SNAP29: variants seen among roughly 807,000 people sequenced by gnomAD.
SNAP29 encodes synaptosome associated protein 29.
Under a neutral mutation model 27.9 loss-of-function variants are expected in SNAP29, and 13 were observed. That is an observed-to-expected ratio of 0.47 (90% CI 0.30 to 0.74). SNAP29 has a LOEUF of 0.74. Among genes scored for constraint, SNAP29 ranks in the 30% least tolerant of loss-of-function variants. The probability of loss-of-function intolerance (pLI) is 0.06; values close to 1 mark genes in which losing one functional copy is unlikely to be tolerated. For missense variants in SNAP29, 368 were observed against 336.5 expected (o/e 1.09, Z -0.73); for synonymous variants, 119 against 127.1 (o/e 0.94, Z 0.43).
In SNAP29 at chr22:20,888,165, G is replaced by C. The variant is rs1929065269; in HGVS notation, c.*329G>C. On this transcript the variant is annotated 3_prime_UTR_variant, in exon 5 of 5. Coordinates refer to ENST00000215730, the MANE Select transcript of SNAP29 (RefSeq NM_004782.4). ...TCTCATTTTAATGAGCATATGGAAAGATGGGAACAGAATTTCAGTCTTGCA... is the reference window on the plus strand; with the variant it reads ...TCTCATTTTAATGAGCATATGGAAACATGGGAACAGAATTTCAGTCTTGCA... The C allele has an allele frequency of 2.8e-6, 1 of 359,824 alleles. No individual in the cohort carries two copies. The highest frequency in any genetic ancestry group is 2.1e-5 in the African/African-American group (1 of 47,138). The allele number at this position is 359,824 out of a possible 1,614,324, so 22.3% of individuals were successfully genotyped here.
intron 2 of SNAP29, among the ~76,000 whole-genome samples, chr22:20,878,367 C>G (rs1294242966): frequency 6.6e-6 from 1 of 152,068 alleles, no homozygotes; most frequent in African/African-American, 2.4e-5. Context: ...CAGTGAAACC[C>G]TGTCTCTAAA....
chr22:20,883,803 C>T (rs944293197), intron 4 of SNAP29, among the ~76,000 whole-genome samples: 23 of 152,148 alleles, frequency 1.5e-4, no homozygotes, highest in African/African-American at 5.3e-4. Flanking sequence ...ATGAACAGCA[C>T]CAGGGACCCA....
intron 4 of SNAP29, among the ~76,000 whole-genome samples, chr22:20,884,495 C>T (rs1928968381): frequency 6.6e-6 from 1 of 152,124 alleles, no homozygotes; most frequent in African/African-American, 2.4e-5. Context: ...TTCTTTCTGC[C>T]TCGTGGCCCC....
chr22:20,887,396 TC>T (rs1929042410), intron 4 of SNAP29, among the ~76,000 whole-genome samples: 1 of 151,980 alleles, frequency 6.6e-6, no homozygotes, highest in South Asian at 2.1e-4. Context: ...TGGCTGCTGT[TC>T]CTAGTAAAAA....
chr22:20,870,665 T>A, intron 2 of SNAP29, 132 bp downstream of exon 2: 2 of 835,864 alleles, frequency 2.4e-6, no homozygotes, highest in Non-Finnish European at 4.0e-6. Flanking sequence ...CAGGGGATAT[T>A]TGTCCTCAAA....
chr22:20,883,694 A>G, intron 4 of SNAP29, 125 bp downstream of exon 4: 1 of 730,264 alleles, frequency 1.4e-6, no homozygotes, highest in South Asian at 1.4e-5. Flanking sequence ...TCCCACGCCA[A>G]GCTGGGTCCA....
intron 4 of SNAP29, 147 bp from the exon 5 acceptor site, chr22:20,887,532 A>G (rs1279508772): frequency 1.2e-6 from 1 of 840,446 alleles, no homozygotes; most frequent in Non-Finnish European, 2.0e-6. Flanking sequence ...GACAGAATCA[A>G]TTAAGTCAAG....
At chr22:20,866,198 G>C (rs1205219646) in intron 1 of SNAP29, among the ~76,000 whole-genome samples, 1 of 152,170 alleles carries the variant, frequency 6.6e-6, no homozygotes, top group Non-Finnish European at 1.5e-5. Context: ...ACGGCGAGGG[G>C]CACCAGCACT....
intron 4 of SNAP29, among the ~76,000 whole-genome samples, chr22:20,885,776 A>G (rs1929000234): frequency 6.6e-6 from 1 of 152,212 alleles, no homozygotes; most frequent in Non-Finnish European, 1.5e-5. Flanking sequence ...GCGAGTGGCT[A>G]GTTCAGAGCT....
At chr22:20,861,116 TGG>T (rs1491515877) in intron 1 of SNAP29, among the ~76,000 whole-genome samples, 2 of 118,758 alleles carry the variant, frequency 1.7e-5, no homozygotes, top group African/African-American at 7.4e-5. Flanking sequence ...CACCTCCCTG[TGG>T]TTTTTTTTTT....
chr22:20,867,825 G>T (rs1928496312), intron 1 of SNAP29, among the ~76,000 whole-genome samples: 1 of 152,206 alleles, frequency 6.6e-6, no homozygotes. Flanking sequence ...ACTGGGGAAG[G>T]TAGCTCTCCA....
At chr22:20,876,054 G>C (rs539942983) in intron 2 of SNAP29, among the ~76,000 whole-genome samples, 1 of 151,738 alleles carries the variant, frequency 6.6e-6, no homozygotes, top group South Asian at 2.1e-4. Flanking sequence ...CCAGCTGCTT[G>C]GGAGGCTGAG....
chr22:20,860,977 CAGTGAGCCATGT>C (rs1928302501), intron 1 of SNAP29, among the ~76,000 whole-genome samples: 2 of 152,042 alleles, frequency 1.3e-5, no homozygotes, highest in African/African-American at 4.8e-5. Context: ...GTCAAGGTTG[CAGTGAGCCATGT>C]TCATACCACT....
intron 2 of SNAP29, among the ~76,000 whole-genome samples, chr22:20,877,307 A>G (rs1209267342): frequency 1.3e-5 from 2 of 152,176 alleles, no homozygotes; most frequent in Non-Finnish European, 2.9e-5. Context: ...CTGTAATCCC[A>G]GCACTTTGGG....
Position 20,859,106 on chromosome 22 carries a change from G to A in SNAP29, c.-5G>A, listed in dbSNP as rs139884576. On this transcript the variant is annotated 5_prime_UTR_variant, in exon 1 of 5. Transcript: ENST00000215730. ...GTTTCCCAGACCGAGAGCCGCGCCG[G>A]CACCATGTCAGCTTACCCTAAAAGC... 3,087 of 1,596,848 alleles carry A rather than the reference G, an allele frequency of 1.9e-3. 48 individuals are homozygous for A. The African/African-American group carries it at 0.036, about 18-fold the overall frequency.
chr22:20,879,245 T>G (rs1304297158), intron 2 of SNAP29, among the ~76,000 whole-genome samples: 3 of 150,774 alleles, frequency 2.0e-5, no homozygotes, highest in Non-Finnish European at 4.4e-5. Context: ...CAGCAGAGGT[T>G]GCAGTGAGCC....
intron 1 of SNAP29, among the ~76,000 whole-genome samples, chr22:20,861,606 T>TTTTTTG (rs966072144): frequency 9.7e-4 from 147 of 152,016 alleles, no homozygotes; most frequent in African/African-American, 2.2e-3. Context: ...CCTGGCTAAT[T>TTTTTTG]TTTTTGTTTT....
In SNAP29 at chr22:20,889,983, A is replaced by G. The variant is rs1380033996; in HGVS notation, c.*2147A>G. ...CTTAACCCCAGGTATATGGAAGGGGAGTTGCCTTCACTTTTCTGGAAATTT... is the reference window on the plus strand; with the variant it reads ...CTTAACCCCAGGTATATGGAAGGGGGGTTGCCTTCACTTTTCTGGAAATTT... On this transcript the variant is annotated 3_prime_UTR_variant, in exon 5 of 5. Transcript: ENST00000215730. 3 of 317,848 alleles carry G rather than the reference A, an allele frequency of 9.4e-6. No homozygotes were observed. Among genetic ancestry groups the G allele is most frequent in the Non-Finnish European group, 1.1e-5 (2 of 176,590 alleles). The allele number at this position is 317,848 out of a possible 1,614,324, so 19.7% of individuals were successfully genotyped here. A position where few individuals can be genotyped will look rare whatever the true frequency, so the allele number is the denominator to read the frequency against.
intron 2 of SNAP29, among the ~76,000 whole-genome samples, chr22:20,871,482 T>TAAAAAAAA (rs58294079): frequency 1.1e-4 from 7 of 64,150 alleles, no homozygotes; most frequent in East Asian, 4.8e-4. Flanking sequence ...TCCCTGTCTC[T>TAAAAAAAA]AAAAAAAAAA....
Sources: gnomAD v4.1 joint callset for allele counts (sites outside exome capture counted in the v4.1 genomes callset) on GRCh38, gnomAD v4.1.1 for gene constraint, MANE v1.5 for transcripts, NCBI Gene and HGNC (gene_info 2026-07-23, HGNC 2026-07-21) for gene names.